The following TUBB8B variants were observed in gnomAD, a reference collection of about 807,000 sequenced individuals.
The protein encoded by TUBB8B is tubulin beta 8B.
Under a neutral mutation model 31.9 loss-of-function variants are expected in TUBB8B, and 26 were observed. The observed-to-expected ratio is 0.81, with a 90% CI of 0.60 to 1.13. The LOEUF (loss-of-function observed/expected upper bound fraction) is 1.13, where lower values mean the gene tolerates loss of function less well. TUBB8B is among the 50% of genes most tolerant of loss of function. The probability of loss-of-function intolerance (pLI) is 0.00; values close to 1 mark genes in which losing one functional copy is unlikely to be tolerated. For missense variants in TUBB8B, 467 were observed against 586.7 expected (o/e 0.80, Z 2.11); for synonymous variants, 173 against 231.0 (o/e 0.75, Z 2.28).
upstream of TUBB8B, chr18:49,627 C>T (rs1258440037): frequency 8.1e-6 from 6 of 742,138 alleles, no homozygotes; most frequent in African/African-American, 1.0e-4. Flanking sequence ...ACCCAGCCCG[C>T]CCTCCGCTAA....
chr18:64,277 T>C, the TUBB8B span, among the ~76,000 whole-genome samples: 1 of 152,134 alleles, frequency 6.6e-6, no homozygotes, highest in African/African-American at 2.4e-5. Flanking sequence ...CACATACACA[T>C]CAACACACTC....
upstream of TUBB8B, among the ~76,000 whole-genome samples, chr18:51,734 G>T (rs894419090): frequency 6.6e-6 from 1 of 151,726 alleles, no homozygotes; most frequent in African/African-American, 2.4e-5. Context: ...TTTTATAAAG[G>T]GGAGTTTCCC....
At chr18:60,996 T>C in the TUBB8B span, among the ~76,000 whole-genome samples, 1 of 151,742 alleles carries the variant, frequency 6.6e-6, no homozygotes, top group African/African-American at 2.4e-5. Context: ...AGATTAAGTC[T>C]GATGTTTCTT....
rs778372899 is a variant in TUBB8B at position 47,820 on chromosome 18, G to A, written c.905C>T (p.Ala302Val). The change falls in exon 4 of 4, where the codon GCC becomes GTC. Residue 302 changes from alanine (A) to valine (V), a missense_variant. Coordinates refer to ENST00000308911, the MANE Select transcript of TUBB8B (RefSeq NM_001358689.2). Reference sequence around the variant, plus strand: ...GTAGCAGCCGTGACGGGGGTCACAGGCAGCCATCATGTTCTTAGCATCAAA... The same window carrying A: ...GTAGCAGCCGTGACGGGGGTCACAGACAGCCATCATGTTCTTAGCATCAAA... ...QMFDAKNMMAACDPRHGCYLT... is the reference protein window; with the variant it reads ...QMFDAKNMMAVCDPRHGCYLT... 6.2e-7 allele frequency: 1 copy of A among 1,611,678 alleles called. No individual in the cohort carries two copies. Among genetic ancestry groups the A allele is most frequent in the Non-Finnish European group, 8.5e-7 (1 of 1,179,600 alleles).
the TUBB8B span, among the ~76,000 whole-genome samples, chr18:58,342 A>T: frequency 6.6e-6 from 1 of 150,428 alleles, no homozygotes; most frequent in Non-Finnish European, 1.5e-5. Flanking sequence ...TTGCTCCAAC[A>T]TGTGAGCATA....
chr18:65,278 G>C, the TUBB8B span, among the ~76,000 whole-genome samples: 2 of 151,892 alleles, frequency 1.3e-5, no homozygotes, highest in Admixed American at 1.3e-4. Flanking sequence ...TCCAGCATGG[G>C]TGACAAGAGT....
the TUBB8B span, among the ~76,000 whole-genome samples, chr18:54,747 A>C: frequency 1.3e-5 from 2 of 151,984 alleles, no homozygotes; most frequent in Non-Finnish European, 2.9e-5. Context: ...TTCATTGTGT[A>C]TATGTACCAC....
At position 49,040 on chromosome 18, in the gene TUBB8B, G is replaced by A. The variant is rs766475635; in HGVS notation, c.177C>T (p.Tyr59=). 8 of 1,604,176 alleles carry A rather than the reference G, an allele frequency of 5.0e-6. No individual in the cohort carries two copies. The highest frequency in any genetic ancestry group is 4.0e-5 in the African/African-American group (3 of 74,608). ...GATCCACGAGCACAGCGCGGGGCAC[G>A]TACCTGCCACCTGCGTGGGGCGGGA... ...VHHHEASGGR[Y]VPRAVLVDLE... is the part of the protein sequence containing the mutation. The change falls in exon 3 of 4, where the codon TAC becomes TAT. Residue 59 remains tyrosine, a synonymous_variant. Coordinates refer to ENST00000308911, the MANE Select transcript of TUBB8B (RefSeq NM_001358689.2).
At chr18:68,647 C>T in the TUBB8B span, among the ~76,000 whole-genome samples, 1 of 152,170 alleles carries the variant, frequency 6.6e-6, no homozygotes. Flanking sequence ...CTGGTGATCT[C>T]AACTGTAAAA....
At chr18:60,389 T>G in the TUBB8B span, among the ~76,000 whole-genome samples, 1 of 151,732 alleles carries the variant, frequency 6.6e-6, no homozygotes, top group Non-Finnish European at 1.5e-5. Flanking sequence ...GTCTAAATAT[T>G]TGTTAATTGT....
the TUBB8B span, among the ~76,000 whole-genome samples, chr18:63,336 C>A: frequency 6.6e-6 from 1 of 151,782 alleles, no homozygotes; most frequent in Non-Finnish European, 1.5e-5. Context: ...CAGTAGCAAA[C>A]ATGTAGAGGT....
At chr18:65,815 C>A in the TUBB8B span, among the ~76,000 whole-genome samples, 1 of 152,076 alleles carries the variant, frequency 6.6e-6, no homozygotes. Flanking sequence ...CATGACAAAC[C>A]CCCAAAACGT....
At chr18:72,201 GAAAA>G in the TUBB8B span, among the ~76,000 whole-genome samples, 3 of 111,190 alleles carry the variant, frequency 2.7e-5, no homozygotes, top group Non-Finnish European at 5.8e-5. Flanking sequence ...AAAAAAAAAG[GAAAA>G]AAAGATAAGA....
At chr18:51,039 A>T (rs533617460), upstream of TUBB8B, among the ~76,000 whole-genome samples, 12 of 151,996 alleles carry the variant, frequency 7.9e-5, no homozygotes, top group Admixed American at 7.2e-4. Flanking sequence ...TTAACTTTTA[A>T]ATCCTTTCCA....
At chr18:59,546 C>CTT in the TUBB8B span, among the ~76,000 whole-genome samples, 2,964 of 136,818 alleles carry the variant, frequency 0.022, 95 homozygotes, top group East Asian at 0.087. Flanking sequence ...GTCCTTCATT[C>CTT]TTTTTTTTTT....
chr18:72,114 G>A, the TUBB8B span, among the ~76,000 whole-genome samples: 3 of 142,940 alleles, frequency 2.1e-5, no homozygotes, highest in Non-Finnish European at 3.0e-5. Flanking sequence ...GGAGGTGGAG[G>A]TTACAGCAAG....
upstream of TUBB8B, among the ~76,000 whole-genome samples, chr18:52,627 T>C (rs1230111359): frequency 6.6e-6 from 1 of 151,872 alleles, no homozygotes; most frequent in Admixed American, 6.6e-5. Context: ...TGTGGATTGT[T>C]TTCCTTGGAG....
the TUBB8B span, among the ~76,000 whole-genome samples, chr18:71,567 T>A: frequency 4.1e-4 from 22 of 53,022 alleles, no homozygotes; most frequent in East Asian, 8.3e-4. Flanking sequence ...CAAAAAAAAA[T>A]TTAAAAAAAA....
chr18:49,634 C>A (rs1363824652), upstream of TUBB8B: 4 of 740,956 alleles, frequency 5.4e-6, no homozygotes, highest in African/African-American at 5.2e-5. Context: ...CCGCCCTCCG[C>A]TAACGCTTAA....
Sources: gnomAD v4.1 joint callset for allele counts (sites outside exome capture counted in the v4.1 genomes callset) on GRCh38, gnomAD v4.1.1 for gene constraint, MANE v1.5 for transcripts, NCBI Gene and HGNC (gene_info 2026-07-23, HGNC 2026-07-21) for gene names.